CLSTN2: variants seen among roughly 807,000 people sequenced by gnomAD.
CLSTN2 encodes the protein calsyntenin 2.
In CLSTN2, 48 loss-of-function variants were observed where a neutral mutation model predicts 101.2. That is an observed-to-expected ratio of 0.47 (90% confidence interval 0.38 to 0.60). The LOEUF (loss-of-function observed/expected upper bound fraction) is 0.60, where lower values mean the gene tolerates loss of function less well. CLSTN2 is among the 20% of genes least tolerant of loss of function. CLSTN2 has a pLI of 0.00. For missense variants in CLSTN2, 1,160 were observed against 1,238.2 expected (o/e 0.94, Z 0.95); for synonymous variants, 481 against 463.6 (o/e 1.04, Z -0.48).
intron 1 of CLSTN2, among the ~76,000 whole-genome samples, chr3:140,071,320 G>T (rs1470628186): frequency 1.3e-5 from 2 of 152,098 alleles, no homozygotes. Flanking sequence ...AAAGGTTACA[G>T]AAAAGGAGGG....
At chr3:140,009,739 C>A (rs1480035543) in intron 1 of CLSTN2, among the ~76,000 whole-genome samples, 1 of 152,140 alleles carries the variant, frequency 6.6e-6, no homozygotes, top group Non-Finnish European at 1.5e-5. Flanking sequence ...GTAAATATTT[C>A]TTTGCATGCT....
At chr3:140,348,447 T>C (rs533418615) in intron 2 of CLSTN2, among the ~76,000 whole-genome samples, 4 of 152,320 alleles carry the variant, frequency 2.6e-5, no homozygotes, top group African/African-American at 9.6e-5. Context: ...TCTTCATCCT[T>C]GTGTCCAGGC....
chr3:140,115,396 CTGTG>C (rs896522475), intron 1 of CLSTN2, among the ~76,000 whole-genome samples: 48 of 151,706 alleles, frequency 3.2e-4, no homozygotes, highest in African/African-American at 1.1e-3. Context: ...CTTGGAGTGT[CTGTG>C]GGTGGGTGGG....
intron 1 of CLSTN2, among the ~76,000 whole-genome samples, chr3:140,060,208 A>T (rs2008178596): frequency 6.6e-6 from 1 of 152,158 alleles, no homozygotes; most frequent in South Asian, 2.1e-4. Context: ...GCACTGAGAG[A>T]ATAATATATG....
At chr3:140,072,421 G>A (rs748189587) in intron 1 of CLSTN2, among the ~76,000 whole-genome samples, 2 of 152,070 alleles carry the variant, frequency 1.3e-5, no homozygotes, top group African/African-American at 4.8e-5. Flanking sequence ...TCAAAACCAC[G>A]TGTGTTAGTT....
chr3:140,221,936 C>T (rs1035026665), intron 2 of CLSTN2, among the ~76,000 whole-genome samples: 2 of 151,714 alleles, frequency 1.3e-5, no homozygotes, highest in African/African-American at 4.8e-5. Context: ...AAAAATAGAG[C>T]TACCATATGA....
intron 5 of CLSTN2, among the ~76,000 whole-genome samples, chr3:140,430,485 A>G (rs942794670): frequency 8.5e-5 from 13 of 152,262 alleles, no homozygotes; most frequent in African/African-American, 3.1e-4. Context: ...ATAAAGATTT[A>G]TTGGAACACG....
At chr3:140,040,082 C>T (rs2007730942) in intron 1 of CLSTN2, among the ~76,000 whole-genome samples, 1 of 152,178 alleles carries the variant, frequency 6.6e-6, no homozygotes, top group South Asian at 2.1e-4. Flanking sequence ...TAGTTTATGA[C>T]ATTGTTTACT....
At chr3:140,300,315 T>A (rs1016488779) in intron 2 of CLSTN2, among the ~76,000 whole-genome samples, 1 of 152,220 alleles carries the variant, frequency 6.6e-6, no homozygotes, top group African/African-American at 2.4e-5. Context: ...TGCTGATTAA[T>A]GCCCTTCAAC....
rs140996407 is a variant in CLSTN2 at position 140,365,096 on chromosome 3, G to A, written c.233-38533G>A. Among the ~76,000 whole-genome samples, 15 of 152,302 alleles carry A rather than the reference G, an allele frequency of 9.8e-5. No homozygotes were observed. In the East Asian group the frequency reaches 2.9e-3, roughly 29 times the overall value. On this transcript the variant is annotated intron_variant, in intron 2 of 16. Transcript: ENST00000458420. ...AGACCTGAACAATGAGTGTGAGTTA[G>A]CAGGAAAACAGGGAAGAAAAGGGAG...
At chr3:140,398,429 C>T (rs1163260768) in intron 2 of CLSTN2, among the ~76,000 whole-genome samples, 1 of 152,204 alleles carries the variant, frequency 6.6e-6, no homozygotes. Flanking sequence ...AGCACTTTTA[C>T]TCCCCATTGC....
At chr3:140,345,816 G>A (rs1000664533) in intron 2 of CLSTN2, among the ~76,000 whole-genome samples, 6 of 152,104 alleles carry the variant, frequency 3.9e-5, no homozygotes, top group African/African-American at 1.4e-4. Flanking sequence ...CTGGAGATGG[G>A]AACGTATATG....
intron 6 of CLSTN2, among the ~76,000 whole-genome samples, chr3:140,458,802 A>G (rs1260408468): frequency 6.6e-6 from 1 of 152,108 alleles, no homozygotes; most frequent in Non-Finnish European, 1.5e-5. Context: ...AGCCCTCACA[A>G]CTCGCTGGAA....
intron 1 of CLSTN2, among the ~76,000 whole-genome samples, chr3:140,027,900 C>T (rs891401007): frequency 6.6e-6 from 1 of 152,218 alleles, no homozygotes; most frequent in African/African-American, 2.4e-5. Flanking sequence ...ATTGGGGATA[C>T]TGGTTTGCCA....
At chr3:140,079,002 A>G (rs16849828) in intron 1 of CLSTN2, among the ~76,000 whole-genome samples, 49,090 of 152,024 alleles carry the variant, frequency 0.32, 9,035 homozygotes, top group East Asian at 0.56. Context: ...GGTTTTTGAT[A>G]TCAGAAAGAC....
At chr3:140,068,972 T>C (rs916754634) in intron 1 of CLSTN2, among the ~76,000 whole-genome samples, 1 of 152,194 alleles carries the variant, frequency 6.6e-6, no homozygotes, top group Non-Finnish European at 1.5e-5. Context: ...ATCTCTCTCA[T>C]AGGATTTTGG....
intron 1 of CLSTN2, among the ~76,000 whole-genome samples, chr3:140,015,462 CA>C (rs1295017757): frequency 6.6e-6 from 1 of 152,060 alleles, no homozygotes; most frequent in African/African-American, 2.4e-5. Context: ...AGGAGTATTG[CA>C]AAACAAAAGC....
chr3:140,303,102 G>T (rs1471072484), intron 2 of CLSTN2, among the ~76,000 whole-genome samples: 3 of 152,168 alleles, frequency 2.0e-5, no homozygotes, highest in Non-Finnish European at 4.4e-5. Context: ...AAAACCTAAG[G>T]CATTCTGGGA....
In CLSTN2 at chr3:140,576,555, T is replaced by C. The variant is rs560812294; in HGVS notation, c.*10302T>C. On this transcript the variant is annotated 3_prime_UTR_variant, in exon 17 of 17. Transcript: ENST00000458420. The stretch of plus-strand genomic sequence containing the variant: ...GTGTTGGACGCTGTTTATTCCCAGC[T>C]TCTCAACCTCAGTGTGTGTGGGAAA... 1 of 152,398 alleles carries C rather than the reference T, an allele frequency of 6.6e-6. No individual in the cohort carries two copies. Among genetic ancestry groups the C allele is most frequent in the Non-Finnish European group, 1.5e-5 (1 of 68,056 alleles). The allele number at this position is 152,398 out of a possible 1,614,324, so 9.4% of individuals were successfully genotyped here.
Sources: gnomAD v4.1 joint callset for allele counts (sites outside exome capture counted in the v4.1 genomes callset) on GRCh38, gnomAD v4.1.1 for gene constraint, MANE v1.5 for transcripts, NCBI Gene and HGNC (gene_info 2026-07-23, HGNC 2026-07-21) for gene names.